TNR: variants seen among roughly 807,000 people sequenced by gnomAD.
TNR encodes the protein tenascin R, also known as tenascin-R.
TNR carries 45 observed loss-of-function variants against 150.4 expected under a neutral mutation model. That is an observed-to-expected ratio of 0.30 (90% CI 0.24 to 0.38). The LOEUF (loss-of-function observed/expected upper bound fraction) is 0.38, where lower values mean the gene tolerates loss of function less well. TNR is among the 10% of genes least tolerant of loss of function. TNR has a pLI of 1.00. For synonymous variants in TNR, 687 were observed against 678.4 expected, an observed-to-expected ratio of 1.01 and a Z score of -0.20; for missense variants, 1,544 against 1,759.1, an observed-to-expected ratio of 0.88 and a Z score of 2.19.
In TNR at chr1:175,433,231, T is replaced by C. The variant is rs76903107; in HGVS notation, c.-63-26454A>G. On this transcript the variant is annotated intron_variant, in intron 2 of 22. Transcript: ENST00000367674. ...CATGACAGAGAAATAAATTTCTATA[T>C]TGTTAAGCCATTGATACCTCCAGTC... Among the ~76,000 whole-genome samples, 816 of 152,340 alleles carry C rather than the reference T, an allele frequency of 5.4e-3. 10 individuals are homozygous for C. The highest frequency in any genetic ancestry group is 0.018 in the African/African-American group (740 of 41,578).
At chr1:175,325,926 G>C (rs1649361385) in intron 21 of TNR, among the ~76,000 whole-genome samples, 1 of 152,112 alleles carries the variant, frequency 6.6e-6, no homozygotes, top group South Asian at 2.1e-4. Flanking sequence ...TAAATGACAA[G>C]TTAATGGGTG....
intron 2 of TNR, among the ~76,000 whole-genome samples, chr1:175,525,114 G>A (rs859360): frequency 0.23 from 34,668 of 152,026 alleles, 4,860 homozygotes; most frequent in African/African-American, 0.4. Flanking sequence ...CATGATGGTG[G>A]GTGAGTTTTC....
chr1:175,603,452 C>T (rs748408181), intron 1 of TNR, among the ~76,000 whole-genome samples: 6 of 152,232 alleles, frequency 3.9e-5, no homozygotes, highest in Non-Finnish European at 7.3e-5. Flanking sequence ...GGGGACTAAT[C>T]CTTCCTTCTA....
chr1:175,325,118 C>T (rs1388321056), intron 21 of TNR, among the ~76,000 whole-genome samples: 6 of 152,110 alleles, frequency 3.9e-5, no homozygotes, highest in Non-Finnish European at 5.9e-5. Context: ...TGGGGAAGAG[C>T]GGACTTCAAG....
At chr1:175,352,802 G>A (rs1232409885) in intron 18 of TNR, among the ~76,000 whole-genome samples, 1 of 152,154 alleles carries the variant, frequency 6.6e-6, no homozygotes, top group Non-Finnish European at 1.5e-5. Flanking sequence ...AGGGAGAAGA[G>A]GACTCGTTCA....
At chr1:175,738,827 T>C (rs1168619519) in intron 1 of TNR, among the ~76,000 whole-genome samples, 1 of 152,212 alleles carries the variant, frequency 6.6e-6, no homozygotes, top group Non-Finnish European at 1.5e-5. Context: ...CCATTCCAAT[T>C]CCACCTTCCC....
Position 175,475,928 on chromosome 1 carries a change from A to G in TNR, c.-64+52341T>C, listed in dbSNP as rs562137895. Among the ~76,000 whole-genome samples, 4 of 152,354 alleles carry G rather than the reference A, an allele frequency of 2.6e-5. No individual in the cohort carries two copies. The East Asian group carries it at 7.7e-4, about 29-fold the overall frequency. On this transcript the variant is annotated intron_variant, in intron 2 of 22. Coordinates refer to ENST00000367674, the MANE Select transcript of TNR (RefSeq NM_003285.3). Reference sequence around the variant, plus strand: ...TTCCCCTCTAACCTTCAATCGTCCTATAATGAAATGATATTTTAAGGTATA... The same window carrying G: ...TTCCCCTCTAACCTTCAATCGTCCTGTAATGAAATGATATTTTAAGGTATA...
chr1:175,742,298 C>A (rs1667952625), intron 1 of TNR, among the ~76,000 whole-genome samples: 1 of 152,288 alleles, frequency 6.6e-6, no homozygotes, highest in South Asian at 2.1e-4. Context: ...CCACTTCAAG[C>A]CCTCCTGAGT....
At chr1:175,456,491 A>G (rs1656579731) in intron 2 of TNR, among the ~76,000 whole-genome samples, 1 of 152,254 alleles carries the variant, frequency 6.6e-6, no homozygotes, top group Non-Finnish European at 1.5e-5. Flanking sequence ...AATGTCTACA[A>G]CAATGCTTGA....
intron 14 of TNR, among the ~76,000 whole-genome samples, chr1:175,362,409 C>G (rs569571816): frequency 6.6e-6 from 1 of 152,324 alleles, no homozygotes; most frequent in South Asian, 2.1e-4. Flanking sequence ...TGAAAGGGCA[C>G]TGTTTATGTT....
At chr1:175,505,442 C>G (rs1049147725) in intron 2 of TNR, among the ~76,000 whole-genome samples, 2 of 152,210 alleles carry the variant, frequency 1.3e-5, no homozygotes, top group Admixed American at 6.5e-5. Context: ...TCCCCGGGGA[C>G]GCAGGGGCTT....
intron 1 of TNR, chr1:175,538,694 C>T (rs919013881): frequency 3.3e-5 from 5 of 152,174 alleles, no homozygotes; most frequent in African/African-American, 1.2e-4. Flanking sequence ...GTTGGTATGC[C>T]TTCTGACAGC....
At chr1:175,451,868 TTC>T (rs1656340088) in intron 2 of TNR, among the ~76,000 whole-genome samples, 1 of 152,228 alleles carries the variant, frequency 6.6e-6, no homozygotes, top group Admixed American at 6.5e-5. Flanking sequence ...TTGGCTGTAC[TTC>T]TATAACGAAT....
intron 21 of TNR, 96 bp from the exon 22 acceptor site, chr1:175,324,615 A>T: frequency 7.2e-7 from 1 of 1,389,802 alleles, no homozygotes; most frequent in Non-Finnish European, 1.0e-6. Context: ...CCTGGCTTCC[A>T]CTTATGGAAC....
chr1:175,361,070 T>C (rs1651566078), intron 14 of TNR, among the ~76,000 whole-genome samples: 1 of 152,180 alleles, frequency 6.6e-6, no homozygotes, highest in Admixed American at 6.5e-5. Flanking sequence ...AGGATTTTTT[T>C]TTCTTTTGAG....
chr1:175,631,202 C>G (rs1245751108), intron 1 of TNR, among the ~76,000 whole-genome samples: 1 of 152,094 alleles, frequency 6.6e-6, no homozygotes, highest in African/African-American at 2.4e-5. Flanking sequence ...ACATATGCAC[C>G]TACATACATG....
At chr1:175,601,310 C>T (rs947153954) in intron 1 of TNR, among the ~76,000 whole-genome samples, 1 of 152,176 alleles carries the variant, frequency 6.6e-6, no homozygotes, top group African/African-American at 2.4e-5. Context: ...CCGAAACCCT[C>T]GCCTTTGAGG....
At chr1:175,445,249 G>A (rs1188509139) in intron 2 of TNR, among the ~76,000 whole-genome samples, 1 of 152,110 alleles carries the variant, frequency 6.6e-6, no homozygotes, top group Non-Finnish European at 1.5e-5. Context: ...CAGCCTGGGG[G>A]AAAGTGCGAG....
chr1:175,375,476 T>TGGG (rs3216195), intron 9 of TNR, among the ~76,000 whole-genome samples: 22 of 151,440 alleles, frequency 1.5e-4, no homozygotes, highest in Non-Finnish European at 2.7e-4. Context: ...CAGAGAATAA[T>TGGG]GGGGGGGGAG....
Sources: allele counts gnomAD v4.1 joint callset (sites outside exome capture counted in the v4.1 genomes callset), GRCh38; gene constraint gnomAD v4.1.1; transcripts MANE v1.5; gene names NCBI Gene and HGNC (gene_info 2026-07-23, HGNC 2026-07-21).